VPS53: variants seen among roughly 807,000 people sequenced by gnomAD.
VPS53 encodes vacuolar protein sorting-associated protein 53 homolog.
VPS53 carries 70 observed loss-of-function variants against 107.0 expected under a neutral mutation model. That is an observed-to-expected ratio of 0.65 (90% confidence interval 0.54 to 0.80). The LOEUF (loss-of-function observed/expected upper bound fraction) is 0.80, where lower values mean the gene tolerates loss of function less well. Ranked by LOEUF, VPS53 falls within the 30% of genes least tolerant of loss-of-function variation. The pLI, the probability that VPS53 is intolerant of heterozygous loss-of-function variation, is 0.00. For missense variants in VPS53, 917 were observed against 1,049.4 expected (o/e 0.87, Z 1.74); for synonymous variants, 409 against 393.3 (o/e 1.04, Z -0.47).
rs1164583457 is a variant in VPS53, at chr17:516,187, TTTAGC to T, written c.*2936_*2940del. ...AGCTCAAGTGTAGTGTCGGCGCACT[TTTAGC>T]TTAGAGTCAGAAAAATAGACATGTA... On this transcript the variant is annotated 3_prime_UTR_variant, in exon 22 of 22. Coordinates refer to ENST00000437048, the MANE Select transcript of VPS53 (RefSeq NM_001128159.3). The T allele has an allele frequency of 6.6e-6, 1 of 152,008 alleles. No individual in the cohort carries two copies. The highest frequency in any genetic ancestry group is 2.4e-5 in the African/African-American group (1 of 41,366). 9.4% of individuals were successfully genotyped at this position (152,008 alleles called of 1,614,324 possible). A position where few individuals can be genotyped will look rare whatever the true frequency, so the allele number is the denominator to read the frequency against.
In VPS53 at chr17:519,936, G is replaced by T; in HGVS notation, c.2224-6C>A. On this transcript the variant is annotated splice_region_variant and splice_polypyrimidine_tract_variant and intron_variant, in intron 20 of 21. Transcript: ENST00000437048. The surrounding 1 kb of genome is among the most constrained non-coding windows in gnomAD (Gnocchi z 5.0). ...TCATGAGGGGCCATCACTACCTACA[G>T]CGGGAGGAGACAGGAGCAAGCCCCT... The T allele has an allele frequency of 6.5e-7, 1 of 1,548,630 alleles. No individual in the cohort carries two copies. The highest frequency in any genetic ancestry group is 8.7e-7 in the Non-Finnish European group (1 of 1,144,260).
intron 14 of VPS53, among the ~76,000 whole-genome samples, chr17:561,723 G>A (rs1331823517): frequency 2.0e-5 from 3 of 152,118 alleles, no homozygotes; most frequent in Admixed American, 1.3e-4. Flanking sequence ...TCCGCCTCCC[G>A]GGTTCAAGTG....
intron 7 of VPS53, among the ~76,000 whole-genome samples, chr17:651,088 T>TAC (rs1050626872): frequency 6.6e-6 from 1 of 151,984 alleles, no homozygotes; most frequent in Non-Finnish European, 1.5e-5. Context: ...TTTATGTAAA[T>TAC]ACACACACAA....
chr17:546,329 T>TCTCTCACA (rs1555549994), intron 17 of VPS53, among the ~76,000 whole-genome samples: 1 of 131,868 alleles, frequency 7.6e-6, no homozygotes, highest in Non-Finnish European at 1.6e-5. Flanking sequence ...CTTAGATATC[T>TCTCTCACA]CACACACACA....
At chr17:627,981 A>G in intron 9 of VPS53, 107 bp downstream of exon 9, 1 of 1,145,714 alleles carries the variant, frequency 8.7e-7, no homozygotes, top group Non-Finnish European at 1.2e-6. Flanking sequence ...AACAACCAAC[A>G]CTGTCAGACA....
chr17:588,653 C>T (rs371750937), intron 12 of VPS53, among the ~76,000 whole-genome samples: 5 of 152,178 alleles, frequency 3.3e-5, no homozygotes, highest in African/African-American at 1.2e-4. Context: ...TTTGGTCCTT[C>T]CTAAGAATAA....
chr17:618,461 C>A (rs1436215228), intron 11 of VPS53, among the ~76,000 whole-genome samples: 2 of 149,060 alleles, frequency 1.3e-5, no homozygotes, highest in African/African-American at 5.0e-5. Context: ...CCACTACGCC[C>A]CACTAATATT....
intron 5 of VPS53, chr17:657,085 G>A: frequency 2.0e-6 from 2 of 1,002,572 alleles, no homozygotes; most frequent in Non-Finnish European, 3.2e-6. Context: ...CGGTCATCTT[G>A]CCAGTCTCCA....
At chr17:551,989 C>A in intron 16 of VPS53, 39 bp from the exon 17 acceptor site, 1 of 1,526,518 alleles carries the variant, frequency 6.6e-7, no homozygotes, top group Non-Finnish European at 8.9e-7. Context: ...CCCTTTCAAA[C>A]AACGGCCGTC....
At chr17:630,948 G>A (rs1318396060) in intron 8 of VPS53, among the ~76,000 whole-genome samples, 2 of 152,098 alleles carry the variant, frequency 1.3e-5, no homozygotes, top group East Asian at 3.9e-4. Context: ...TGGAAGGGTG[G>A]AGCTAAAAGC....
intron 11 of VPS53, among the ~76,000 whole-genome samples, chr17:610,001 G>A (rs148648443): frequency 0.016 from 2,366 of 152,036 alleles, 24 homozygotes; most frequent in Middle Eastern, 0.031. Context: ...GCGTGGTGGC[G>A]GGCGCCTGTA....
chr17:694,822 C>T (rs766200432), intron 4 of VPS53, among the ~76,000 whole-genome samples: 4 of 152,098 alleles, frequency 2.6e-5, no homozygotes, highest in Non-Finnish European at 5.9e-5. Context: ...GGCTGGAGCG[C>T]GGCGGCACCA....
At chr17:628,299 C>A (rs753510925) in intron 8 of VPS53, 68 bp from the exon 9 acceptor site, 168 of 1,570,704 alleles carry the variant, frequency 1.1e-4, no homozygotes, top group Non-Finnish European at 1.4e-4. Flanking sequence ...CTTCTCACAG[C>A]CACTACTTGT....
At chr17:648,607 G>C (rs996608605) in intron 7 of VPS53, among the ~76,000 whole-genome samples, 2 of 152,212 alleles carry the variant, frequency 1.3e-5, no homozygotes, top group Non-Finnish European at 2.9e-5. Context: ...CTAAACATTT[G>C]AGAAATGCTA....
intron 13 of VPS53, among the ~76,000 whole-genome samples, chr17:565,289 GCTACT>G (rs1231139773): frequency 4.0e-5 from 6 of 151,190 alleles, no homozygotes; most frequent in Non-Finnish European, 5.9e-5. Flanking sequence ...TGTAATCCCA[GCTACT>G]CGGGAGGCTG....
intron 10 of VPS53, among the ~76,000 whole-genome samples, chr17:625,853 T>C (rs1969686822): frequency 6.6e-6 from 1 of 152,232 alleles, no homozygotes; most frequent in Non-Finnish European, 1.5e-5. Flanking sequence ...GAAAAGGTGG[T>C]TGAGTTATGC....
chr17:682,788 C>T (rs1299540491), intron 4 of VPS53, among the ~76,000 whole-genome samples: 1 of 152,064 alleles, frequency 6.6e-6, no homozygotes, highest in African/African-American at 2.4e-5. Flanking sequence ...GAAAAGCACC[C>T]ATTGTTAAGA....
chr17:650,007 C>T (rs1970873994), intron 7 of VPS53, among the ~76,000 whole-genome samples: 1 of 152,058 alleles, frequency 6.6e-6, no homozygotes, highest in Non-Finnish European at 1.5e-5. Context: ...GAAAGCAGTT[C>T]AAAAGGACAA....
rs1907764050 is a variant in VPS53, at chr17:509,048, GCCAAAT to G, written c.*10074_*10079del. On this transcript the variant is annotated 3_prime_UTR_variant, in exon 22 of 22. Transcript: ENST00000437048. Reference sequence around the variant, plus strand: ...CATGGATGTTGGAATGAAGGCTGGAGCCAAATCCTGGCTCGCCCCCTTACTAGTCAC... The same window carrying G: ...CATGGATGTTGGAATGAAGGCTGGAGCCTGGCTCGCCCCCTTACTAGTCAC... 6.6e-6 allele frequency: 1 copy of G among 152,210 alleles called. No individual in the cohort carries two copies. The highest frequency in any genetic ancestry group is 1.5e-5 in the Non-Finnish European group (1 of 68,118). 9.4% of individuals were successfully genotyped at this position (152,210 alleles called of 1,614,324 possible).
Sources: allele counts gnomAD v4.1 joint callset (sites outside exome capture counted in the v4.1 genomes callset), GRCh38; gene constraint gnomAD v4.1.1; non-coding constraint Gnocchi (gnomAD v3.1); transcripts MANE v1.5; gene names NCBI Gene and HGNC (gene_info 2026-07-23, HGNC 2026-07-21).